AGBL1: variants seen among roughly 807,000 people sequenced by gnomAD.
The protein encoded by AGBL1 is AGBL carboxypeptidase 1.
In AGBL1, 130 loss-of-function variants were observed where a neutral mutation model predicts 118.9. That is an observed-to-expected ratio of 1.09 (90% CI 0.95 to 1.26). The LOEUF (loss-of-function observed/expected upper bound fraction) is 1.26, where lower values mean the gene tolerates loss of function less well. Ranked by LOEUF, AGBL1 falls within the 50% of genes most tolerant of loss-of-function variation. The pLI is 0.00. For missense variants in AGBL1, 1,584 were observed against 1,298.1 expected (o/e 1.22, Z -3.38); for synonymous variants, 555 against 478.9 (o/e 1.16, Z -2.08).
chr15:86,195,041 T>C (rs1420060734), intron 5 of AGBL1, among the ~76,000 whole-genome samples: 2 of 152,188 alleles, frequency 1.3e-5, no homozygotes, highest in Non-Finnish European at 2.9e-5. Flanking sequence ...AATTGATCTA[T>C]GAGGGTTTTT....
At chr15:86,720,639 A>G (rs970518750) in intron 22 of AGBL1, among the ~76,000 whole-genome samples, 3 of 152,194 alleles carry the variant, frequency 2.0e-5, no homozygotes, top group Middle Eastern at 6.3e-3. Context: ...GCTGTCAGAC[A>G]AGTATGATAG....
chr15:86,857,237 C>A (rs2079495786), intron 22 of AGBL1, among the ~76,000 whole-genome samples: 1 of 152,154 alleles, frequency 6.6e-6, no homozygotes, highest in African/African-American at 2.4e-5. Context: ...ACTATCTATT[C>A]CCTACGTGTC....
intron 22 of AGBL1, among the ~76,000 whole-genome samples, chr15:86,762,690 G>A (rs1023760004): frequency 1.3e-5 from 2 of 152,020 alleles, no homozygotes; most frequent in Non-Finnish European, 2.9e-5. Flanking sequence ...TGCTAGTGCT[G>A]ATAAACCCTG....
At chr15:86,145,538 T>C (rs1444305) in intron 3 of AGBL1, among the ~76,000 whole-genome samples, 1,839 of 152,302 alleles carry the variant, frequency 0.012, 40 homozygotes, top group African/African-American at 0.041. Flanking sequence ...TGATGTCCAG[T>C]GCTATCAGTG....
chr15:86,159,822 C>G (rs7173326), intron 5 of AGBL1, among the ~76,000 whole-genome samples: 31,805 of 151,870 alleles, frequency 0.21, 4,212 homozygotes, highest in East Asian at 0.39. Flanking sequence ...TCAATCTTAG[C>G]CTCATATTCC....
At chr15:86,760,057 A>C (rs1411863647) in intron 22 of AGBL1, among the ~76,000 whole-genome samples, 1 of 152,082 alleles carries the variant, frequency 6.6e-6, no homozygotes. Flanking sequence ...CTATGAAGTA[A>C]TGATTTTGCC....
At chr15:86,142,295 G>A (rs1390794007) in intron 2 of AGBL1, among the ~76,000 whole-genome samples, 1 of 152,216 alleles carries the variant, frequency 6.6e-6, no homozygotes, top group Non-Finnish European at 1.5e-5. Flanking sequence ...GAGGAAATTA[G>A]ATTTAGTAGT....
intron 23 of AGBL1, among the ~76,000 whole-genome samples, chr15:86,925,854 C>T (rs1012340913): frequency 6.6e-6 from 1 of 151,584 alleles, no homozygotes; most frequent in Non-Finnish European, 1.5e-5. Context: ...TCTTAGCCTC[C>T]CAAGTAGCTG....
At chr15:86,794,741 T>C (rs1048938631) in intron 22 of AGBL1, among the ~76,000 whole-genome samples, 6 of 152,180 alleles carry the variant, frequency 3.9e-5, no homozygotes, top group African/African-American at 7.2e-5. Context: ...CCCTTAGATA[T>C]ATACCTCATG....
chr15:86,765,427 A>G (rs529168771), intron 22 of AGBL1, among the ~76,000 whole-genome samples: 5 of 152,066 alleles, frequency 3.3e-5, no homozygotes, highest in African/African-American at 1.2e-4. Flanking sequence ...CTCTGCTATG[A>G]GACATTTAGT....
chr15:86,780,388 C>G (rs1292346481), intron 22 of AGBL1, among the ~76,000 whole-genome samples: 2 of 152,160 alleles, frequency 1.3e-5, no homozygotes, highest in African/African-American at 4.8e-5. Flanking sequence ...TAACAGCTCT[C>G]AATATCTTAT....
At chr15:86,467,347 C>T (rs1473392259) in intron 18 of AGBL1, among the ~76,000 whole-genome samples, 9 of 152,214 alleles carry the variant, frequency 5.9e-5, no homozygotes, top group African/African-American at 1.9e-4. Flanking sequence ...CATCCAAGGT[C>T]GACTTCAGAC....
chr15:86,927,910 C>G (rs2080562219), intron 23 of AGBL1, among the ~76,000 whole-genome samples: 1 of 147,778 alleles, frequency 6.8e-6, no homozygotes, highest in African/African-American at 2.5e-5. Context: ...ACTTCAAGGA[C>G]AGCAAATTCA....
At chr15:86,521,509 A>G (rs1017557299) in intron 18 of AGBL1, among the ~76,000 whole-genome samples, 2 of 152,176 alleles carry the variant, frequency 1.3e-5, no homozygotes, top group African/African-American at 4.8e-5. Context: ...TGGTTTTATA[A>G]GGACTCTGAT....
intron 22 of AGBL1, among the ~76,000 whole-genome samples, chr15:86,716,717 C>T (rs1348027782): frequency 6.6e-6 from 1 of 152,120 alleles, no homozygotes; most frequent in East Asian, 1.9e-4. Flanking sequence ...TCAACTATCC[C>T]AAAGCCGTCA....
chr15:86,108,922 T>TGG (rs1567059513), intron 1 of AGBL1, among the ~76,000 whole-genome samples: 2 of 151,938 alleles, frequency 1.3e-5, no homozygotes, highest in Non-Finnish European at 2.9e-5. Flanking sequence ...GCGCCACTGC[T>TGG]CTCCAACCTG....
chr15:86,522,911 A>T lies in AGBL1; in HGVS notation c.2657A>T (p.His886Leu). 1 of 1,613,890 alleles carries T rather than the reference A, an allele frequency of 6.2e-7. No homozygotes were observed. Among genetic ancestry groups the T allele is most frequent in the Non-Finnish European group, 8.5e-7 (1 of 1,179,834 alleles). The change falls in exon 19 of 23, where the codon CAC (histidine) becomes CTC (leucine). Residue 886 changes from histidine to leucine, a missense_variant. By Grantham distance (99) the His-to-Leu change is moderately conservative. Coordinates refer to ENST00000614907, the MANE Select transcript of AGBL1 (RefSeq NM_001386094.1). The stretch of plus-strand genomic sequence containing the variant: ...TACCATGCCAAAGGCCTCCTCTACC[A>T]CCTGAGCAGCATTGGCCGAAGTCCC... ...TIYHAKGLLYHLSSIGRSPVV... is the reference protein window; with the variant it reads ...TIYHAKGLLYLLSSIGRSPVV...
intron 16 of AGBL1, among the ~76,000 whole-genome samples, chr15:86,294,262 G>C (rs528951306): frequency 6.6e-6 from 1 of 152,016 alleles, no homozygotes; most frequent in Admixed American, 6.6e-5. Flanking sequence ...AACTGGGTGT[G>C]GTCGTGGGTG....
chr15:86,872,311 A>G (rs951552048), intron 22 of AGBL1, among the ~76,000 whole-genome samples: 1 of 152,238 alleles, frequency 6.6e-6, no homozygotes, highest in Admixed American at 6.5e-5. Context: ...GAGAAAATTG[A>G]GACACAAGCT....
Sources: allele counts gnomAD v4.1 joint callset (sites outside exome capture counted in the v4.1 genomes callset), GRCh38; gene constraint gnomAD v4.1.1; transcripts MANE v1.5; gene names NCBI Gene and HGNC (gene_info 2026-07-23, HGNC 2026-07-21).